XIRP2: variants seen among roughly 807,000 people sequenced by gnomAD.
The protein encoded by XIRP2 is xin actin-binding repeat-containing protein 2.
Under a neutral mutation model 277.0 loss-of-function variants are expected in XIRP2, and 236 were observed. The ratio of observed to expected loss-of-function variants is 0.85; its 90% CI spans 0.77 to 0.95. The LOEUF (loss-of-function observed/expected upper bound fraction) is 0.95, where lower values mean the gene tolerates loss of function less well. Among genes scored for constraint, XIRP2 ranks in the 40% least tolerant of loss-of-function variants. The probability of loss-of-function intolerance (pLI) is 0.00; values close to 1 mark genes in which losing one functional copy is unlikely to be tolerated. For missense variants in XIRP2, 4,640 were observed against 4,157.5 expected (o/e 1.12, Z -3.19); for synonymous variants, 1,490 against 1,416.5 (o/e 1.05, Z -1.17).
rs1375798619 is a variant in XIRP2, at chr2:167,259,428, T to G, written c.*1611T>G. 5 of 1,464,474 alleles carry G rather than the reference T, an allele frequency of 3.4e-6. No homozygotes were observed. Among genetic ancestry groups the G allele is most frequent in the Non-Finnish European group, 4.5e-6 (5 of 1,099,248 alleles). The allele number at this position is 1,464,474 out of a possible 1,614,324, so 90.7% of individuals were successfully genotyped here. ...GAGATATTGATGTTCTGAAATAAGA[T>G]TTTATGAATTTGGATACCCTTTTGA... is the stretch of plus-strand genomic sequence containing the variant. On this transcript the variant is annotated 3_prime_UTR_variant, in exon 11 of 11. Transcript: ENST00000409195.
intron 2 of XIRP2, among the ~76,000 whole-genome samples, chr2:166,947,262 A>G (rs1197884539): frequency 2.0e-5 from 3 of 152,220 alleles, no homozygotes; most frequent in Non-Finnish European, 4.4e-5. Flanking sequence ...AACCTGGGAT[A>G]CATGGGTAGC....
chr2:166,936,739 T>C (rs2105375330), intron 2 of XIRP2, among the ~76,000 whole-genome samples: 1 of 152,308 alleles, frequency 6.6e-6, no homozygotes, highest in African/African-American at 2.4e-5. Context: ...GTGGTATTAC[T>C]TCTGAGGGCT....
chr2:167,256,920 T>C (rs1388630869), intron 10 of XIRP2, among the ~76,000 whole-genome samples: 1 of 151,902 alleles, frequency 6.6e-6, no homozygotes, highest in Non-Finnish European at 1.5e-5. Flanking sequence ...CTCCTATTTT[T>C]TCTCACTTTG....
At chr2:166,971,064 C>T (rs934781816) in intron 2 of XIRP2, among the ~76,000 whole-genome samples, 3 of 151,870 alleles carry the variant, frequency 2.0e-5, no homozygotes, top group Admixed American at 6.6e-5. Flanking sequence ...ATTAGGTACA[C>T]ATTAAGAGGA....
chr2:166,979,913 C>T (rs1336964215), intron 2 of XIRP2, among the ~76,000 whole-genome samples: 1 of 151,910 alleles, frequency 6.6e-6, no homozygotes, highest in Non-Finnish European at 1.5e-5. Flanking sequence ...TTTTCTTTCT[C>T]TTCTATCTCT....
At chr2:167,189,847 G>C (rs1426286021) in intron 3 of XIRP2, among the ~76,000 whole-genome samples, 2 of 152,136 alleles carry the variant, frequency 1.3e-5, no homozygotes, top group Non-Finnish European at 2.9e-5. Context: ...GACTCCACAG[G>C]TTGAAGGCTC....
At chr2:167,066,004 G>A (rs2105245034) in intron 2 of XIRP2, among the ~76,000 whole-genome samples, 1 of 151,990 alleles carries the variant, frequency 6.6e-6, no homozygotes, top group Admixed American at 6.6e-5. Context: ...TGGAAACCAT[G>A]AAACCATCAC....
chr2:167,200,777 G>A (rs969433257), intron 3 of XIRP2, among the ~76,000 whole-genome samples: 31 of 152,142 alleles, frequency 2.0e-4, no homozygotes. Context: ...CTAGCCGACA[G>A]TAGCTGGGAA....
In XIRP2 at chr2:167,089,127, C is replaced by T. The variant is rs907165858; in HGVS notation, c.409-46782C>T. Among the ~76,000 whole-genome samples the T allele has an allele frequency of 6.6e-5, 10 of 152,162 alleles. No individual in the cohort carries two copies. The East Asian group carries it at 1.5e-3, about 23-fold the overall frequency. On this transcript the variant is annotated intron_variant, in intron 2 of 10. Coordinates refer to ENST00000409195, the MANE Select transcript of XIRP2 (RefSeq NM_152381.6). ...CTACTTAGGATGATGTCAGCTTCAT[C>T]CTCAGGTAAGCTACATTCTGCCTTA... is the stretch of plus-strand genomic sequence containing the variant.
rs185507525 is a variant in XIRP2 at position 167,152,541 on chromosome 2, A to G, written c.562+16479A>G. Among the ~76,000 whole-genome samples, 584 of 152,218 alleles carry G rather than the reference A, an allele frequency of 3.8e-3. 2 individuals are homozygous for G. The highest frequency in any genetic ancestry group is 0.013 in the African/African-American group (550 of 41,554). Reference sequence around the variant, plus strand: ...CTCGTTTTAATATGTCTTTTGTTGCAGGGGTCCCAGGAGTGAACCTGGGAT... The same window carrying G: ...CTCGTTTTAATATGTCTTTTGTTGCGGGGGTCCCAGGAGTGAACCTGGGAT... On this transcript the variant is annotated intron_variant, in intron 3 of 10. Coordinates refer to ENST00000409195, the MANE Select transcript of XIRP2 (RefSeq NM_152381.6).
intron 5 of XIRP2, among the ~76,000 whole-genome samples, chr2:167,232,599 G>A (rs1231063511): frequency 6.6e-6 from 1 of 151,906 alleles, no homozygotes; most frequent in Non-Finnish European, 1.5e-5. Flanking sequence ...TGAATTACTA[G>A]GAAAATGTCT....
At chr2:166,892,866 AT>A (rs1391061905) in intron 1 of XIRP2, among the ~76,000 whole-genome samples, 1 of 148,602 alleles carries the variant, frequency 6.7e-6, no homozygotes, top group Non-Finnish European at 1.5e-5. Flanking sequence ...TTATATATAT[AT>A]GTATGTGTGT....
intron 2 of XIRP2, among the ~76,000 whole-genome samples, chr2:166,910,399 T>C (rs1186375567): frequency 3.3e-5 from 5 of 152,244 alleles, no homozygotes; most frequent in African/African-American, 1.2e-4. Context: ...TTTATTTGCA[T>C]AGAGGTGTTT....
At chr2:167,223,504 T>TA in intron 5 of XIRP2, among the ~76,000 whole-genome samples, 1 of 152,318 alleles carries the variant, frequency 6.6e-6, no homozygotes, top group East Asian at 1.9e-4. Flanking sequence ...GCTAGGTCAA[T>TA]AAAAAACATT....
intron 2 of XIRP2, among the ~76,000 whole-genome samples, chr2:166,963,651 A>C (rs1449163350): frequency 6.6e-6 from 1 of 151,820 alleles, no homozygotes; most frequent in African/African-American, 2.4e-5. Context: ...GTTATGGCAA[A>C]GACACAAAGG....
At chr2:166,935,643 ATGAT>A (rs959133175) in intron 2 of XIRP2, among the ~76,000 whole-genome samples, 36 of 152,048 alleles carry the variant, frequency 2.4e-4, no homozygotes, top group African/African-American at 6.0e-4. Context: ...ATTCCCACCT[ATGAT>A]TGAGAACATA....
At chr2:167,124,742 G>C (rs1691151572) in intron 2 of XIRP2, among the ~76,000 whole-genome samples, 1 of 152,170 alleles carries the variant, frequency 6.6e-6, no homozygotes, top group Non-Finnish European at 1.5e-5. Flanking sequence ...CCTAAACCAG[G>C]TGTCACTTCG....
intron 2 of XIRP2, among the ~76,000 whole-genome samples, chr2:167,076,948 A>C (rs116692266): frequency 0.014 from 2,149 of 152,152 alleles, 58 homozygotes; most frequent in African/African-American, 0.05. Flanking sequence ...CTCCTGACTC[A>C]GCCACCCGAA....
chr2:167,259,328 A>G lies in XIRP2; in HGVS notation c.*1511A>G, dbSNP rs1409820017. The G allele has an allele frequency of 6.2e-7, 1 of 1,611,470 alleles. No homozygotes were observed. Among genetic ancestry groups the G allele is most frequent in the Non-Finnish European group, 8.5e-7 (1 of 1,179,050 alleles). On this transcript the variant is annotated 3_prime_UTR_variant, in exon 11 of 11. Coordinates refer to ENST00000409195, the MANE Select transcript of XIRP2 (RefSeq NM_152381.6). ...AGAACAACTCACGGTGGAAGAGCAG[A>G]TTAAAAGAAACAGGTGCTACAGTGA...
Sources: allele counts gnomAD v4.1 joint callset (sites outside exome capture counted in the v4.1 genomes callset), GRCh38; gene constraint gnomAD v4.1.1; transcripts MANE v1.5; gene names NCBI Gene and HGNC (gene_info 2026-07-23, HGNC 2026-07-21).